BRSK2: variants seen among roughly 807,000 people sequenced by gnomAD.
BRSK2 encodes the protein BR serine/threonine kinase 2, also known as serine/threonine-protein kinase BRSK2.
A neutral mutation model predicts 83.3 loss-of-function variants in BRSK2; 19 were observed. That is an observed-to-expected ratio of 0.23 (90% CI 0.16 to 0.33). The LOEUF (loss-of-function observed/expected upper bound fraction) is 0.33, where lower values mean the gene tolerates loss of function less well. Ranked by LOEUF, BRSK2 falls within the 10% of genes least tolerant of loss-of-function variation. BRSK2 has a pLI of 1.00. For synonymous variants in BRSK2, 519 were observed against 435.4 expected (o/e 1.19, Z -2.39); for missense variants, 798 against 1,042.3 (o/e 0.77, Z 3.23).
chr11:1,448,471 C>T (rs898669475), intron 12 of BRSK2, among the ~76,000 whole-genome samples: 1 of 152,224 alleles, frequency 6.6e-6, no homozygotes, highest in Non-Finnish European at 1.5e-5. Flanking sequence ...CTCTCCTGCC[C>T]CTGCCCCAGC....
chr11:1,438,991 G>A lies in BRSK2; in HGVS notation c.272+600G>A, dbSNP rs1308119601. ...GGGAATGGGCACAGTGGTCACTCAC[G>A]GCAGTCTCCTCTGTGTGCTCTGATG... On this transcript the variant is annotated intron_variant, in intron 3 of 19. Coordinates refer to ENST00000528841, the MANE Select transcript of BRSK2 (RefSeq NM_001256627.2). The surrounding 1 kb of genome is among the most constrained non-coding windows in gnomAD (Gnocchi z 6.4). Among the ~76,000 whole-genome samples the A allele has an allele frequency of 2.6e-5, 4 of 152,124 alleles. No individual in the cohort carries two copies. The highest frequency in any genetic ancestry group is 7.2e-5 in the African/African-American group (3 of 41,412).
rs372256031 is a variant in BRSK2 at position 1,460,719 on chromosome 11, C to T, written c.2207C>T (p.Pro736Leu). ...CCGCCCACCGCCCGCCGCGAGCAGC[C>T]TTAGACACACTAGCCCCCCCCCCCA... The part of the protein sequence containing the change: ...MGPPTARREQ[P>L] The change falls in exon 20 of 20, where the codon CCT becomes CTT. Residue 736 changes from proline (P) to leucine (L), a missense_variant. Transcript: ENST00000528841. 26 of 1,430,870 alleles carry T rather than the reference C, an allele frequency of 1.8e-5. No individual in the cohort carries two copies. The African/African-American group carries it at 3.8e-4, about 21-fold the overall frequency. The allele number at this position is 1,430,870 out of a possible 1,614,324, so 88.6% of individuals were successfully genotyped here. A position where few individuals can be genotyped will look rare whatever the true frequency, so the allele number is the denominator to read the frequency against.
Position 1,460,823 on chromosome 11 carries a change from G to C in BRSK2, c.*100G>C. 1 of 1,518,818 alleles carries C rather than the reference G, an allele frequency of 6.6e-7. No individual in the cohort carries two copies. Among genetic ancestry groups the C allele is most frequent in the Non-Finnish European group, 8.8e-7 (1 of 1,138,010 alleles). The allele number at this position is 1,518,818 out of a possible 1,614,324, so 94.1% of individuals were successfully genotyped here. A position where few individuals can be genotyped will look rare whatever the true frequency, so the allele number is the denominator to read the frequency against. ...GGACCCGCGGCCGCGCCGCCCGTCC[G>C]TCCAGACTGTTCTCAGAGCCTGGGA... On this transcript the variant is annotated 3_prime_UTR_variant, in exon 20 of 20. Transcript: ENST00000528841.
intron 8 of BRSK2, 42 bp from the exon 9 acceptor site, chr11:1,444,929 G>A (rs368506936): frequency 4.4e-5 from 70 of 1,593,632 alleles, no homozygotes; most frequent in Admixed American, 8.3e-5. Flanking sequence ...GGCTCTTTCC[G>A]TCCCTCGTCC....
chr11:1,401,528 T>C (rs1846477600), intron 1 of BRSK2, among the ~76,000 whole-genome samples: 1 of 152,126 alleles, frequency 6.6e-6, no homozygotes, highest in South Asian at 2.1e-4. Flanking sequence ...GGAACATCAC[T>C]CCTGGGCCAG....
At chr11:1,434,115 G>A (rs889476163) in intron 1 of BRSK2, among the ~76,000 whole-genome samples, 9 of 152,368 alleles carry the variant, frequency 5.9e-5, no homozygotes, top group Middle Eastern at 6.8e-3. Flanking sequence ...ACACATGTGC[G>A]TGCACCAGGA....
In BRSK2 at chr11:1,460,712, G is replaced by GTGC; in HGVS notation, c.2200_2201insTGC (p.Glu734delinsValGln). 6.9e-7 allele frequency: 1 copy of GTGC among 1,454,206 alleles called. No homozygotes were observed. The highest frequency in any genetic ancestry group is 9.1e-7 in the Non-Finnish European group (1 of 1,096,796). 90.1% of individuals were successfully genotyped at this position (1,454,206 alleles called of 1,614,324 possible). A position where few individuals can be genotyped will look rare whatever the true frequency, so the allele number is the denominator to read the frequency against. Reference sequence around the variant, plus strand: ...GATGGGCCCGCCCACCGCCCGCCGCGAGCAGCCTTAGACACACTAGCCCCC... The same window carrying GTGC: ...GATGGGCCCGCCCACCGCCCGCCGCGTGCAGCAGCCTTAGACACACTAGCCCCC... On this transcript the variant is annotated protein_altering_variant, in exon 20 of 20. Transcript: ENST00000528841.
chr11:1,414,248 C>T (rs573199948), intron 1 of BRSK2, among the ~76,000 whole-genome samples: 2 of 152,350 alleles, frequency 1.3e-5, no homozygotes, highest in South Asian at 4.1e-4. Flanking sequence ...AGAGGCCGGG[C>T]AGGAGGAGGA....
In BRSK2 at chr11:1,438,214, A is replaced by AC; in HGVS notation, c.187-87dup. 8.7e-7 allele frequency: 1 copy of AC among 1,148,054 alleles called. No homozygotes were observed. Among genetic ancestry groups the AC allele is most frequent in the African/African-American group, 1.9e-5 (1 of 53,026 alleles). The allele number at this position is 1,148,054 out of a possible 1,614,324, so 71.1% of individuals were successfully genotyped here. ...ACAGCTGGCACCAAAGGCCCCTGCG[A>AC]CCCCCACAGCTGGCACCAAAGGCAG... On this transcript the variant is annotated intron_variant, in intron 2 of 19. Coordinates refer to ENST00000528841, the MANE Select transcript of BRSK2 (RefSeq NM_001256627.2). This position sits in a 1 kb window ranked among gnomAD's most constrained non-coding sequence, Gnocchi z 6.4.
chr11:1,437,470 G>A (rs1427170802), intron 2 of BRSK2, among the ~76,000 whole-genome samples: 2 of 152,230 alleles, frequency 1.3e-5, no homozygotes, highest in Non-Finnish European at 2.9e-5. Flanking sequence ...CATGTCTGAG[G>A]GAGGGGGCCC....
At chr11:1,400,217 G>A (rs896027420) in intron 1 of BRSK2, among the ~76,000 whole-genome samples, 1 of 152,154 alleles carries the variant, frequency 6.6e-6, no homozygotes, top group Non-Finnish European at 1.5e-5. Flanking sequence ...TGGGCTCTGC[G>A]TGGGGCCGTG....
At position 1,390,202 on chromosome 11, in the gene BRSK2, C is replaced by A; in HGVS notation, c.-83C>A. The A allele has an allele frequency of 1.0e-5, 8 of 765,342 alleles. No individual in the cohort carries two copies. The highest frequency in any genetic ancestry group is 1.1e-5 in the Non-Finnish European group (7 of 632,384). 47.4% of individuals were successfully genotyped at this position (765,342 alleles called of 1,614,324 possible). On this transcript the variant is annotated 5_prime_UTR_variant, in exon 1 of 20. Coordinates refer to ENST00000528841, the MANE Select transcript of BRSK2 (RefSeq NM_001256627.2). The surrounding 1 kb of genome is among the most constrained non-coding windows in gnomAD (Gnocchi z 6.8). ...CCCGGCCGGGTCGGCGCGGACGGCA[C>A]TCGGCGGACGCGGGCGGACGCTGGG...
In BRSK2 at chr11:1,461,181, C is replaced by G. The variant is rs1173848303; in HGVS notation, c.*458C>G. 4 of 818,724 alleles carry G rather than the reference C, an allele frequency of 4.9e-6. No individual in the cohort carries two copies. Among genetic ancestry groups the G allele is most frequent in the Non-Finnish European group, 7.3e-6 (4 of 546,226 alleles). The allele number at this position is 818,724 out of a possible 1,614,324, so 50.7% of individuals were successfully genotyped here. ...AGGCTCGGGGGAGCCTCCTCCAGCC[C>G]GGCCGACCCGGACTCCCGGTCACCT... On this transcript the variant is annotated 3_prime_UTR_variant, in exon 20 of 20. Coordinates refer to ENST00000528841, the MANE Select transcript of BRSK2 (RefSeq NM_001256627.2).
intron 1 of BRSK2, among the ~76,000 whole-genome samples, chr11:1,433,793 C>T (rs1251110790): frequency 6.6e-6 from 1 of 152,248 alleles, no homozygotes; most frequent in Non-Finnish European, 1.5e-5. Context: ...GCTCTTCCTC[C>T]ATGAGCACAC....
intron 15 of BRSK2, among the ~76,000 whole-genome samples, 174 bp downstream of exon 15, chr11:1,451,593 TGA>T (rs1165659213): frequency 6.6e-6 from 1 of 151,894 alleles, no homozygotes; most frequent in Non-Finnish European, 1.5e-5. Context: ...TTCCCGGCTG[TGA>T]GGGGAAGGCC....
intron 1 of BRSK2, among the ~76,000 whole-genome samples, chr11:1,404,394 C>T (rs539371563): frequency 4.6e-5 from 7 of 152,312 alleles, no homozygotes; most frequent in South Asian, 4.1e-4. Context: ...GCCAGCCCTC[C>T]GCCTGCCTCA....
chr11:1,447,995 AGCAAGCCAG>A (rs1258922603), intron 12 of BRSK2: 5 of 952,118 alleles, frequency 5.3e-6, no homozygotes, highest in Non-Finnish European at 7.9e-6. Flanking sequence ...GAAGCCAGCC[AGCAAGCCAG>A]GCAAGGGCCC....
intron 1 of BRSK2, among the ~76,000 whole-genome samples, chr11:1,417,973 T>G (rs12798577): frequency 1.5e-4 from 22 of 148,622 alleles, no homozygotes; most frequent in Admixed American, 3.3e-4. Flanking sequence ...CTGCTTCTGT[T>G]GGCTGTTTCT....
chr11:1,418,960 T>TAGA (rs1186419891), intron 1 of BRSK2, among the ~76,000 whole-genome samples: 1 of 152,206 alleles, frequency 6.6e-6, no homozygotes, highest in African/African-American at 2.4e-5. Context: ...CTGTCACTAA[T>TAGA]AGAAGCTCAG....
Sources: allele counts gnomAD v4.1 joint callset (sites outside exome capture counted in the v4.1 genomes callset), GRCh38; gene constraint gnomAD v4.1.1; non-coding constraint Gnocchi (gnomAD v3.1); transcripts MANE v1.5; gene names NCBI Gene and HGNC (gene_info 2026-07-23, HGNC 2026-07-21).